The following METAP1D variants were observed in gnomAD, a reference collection of about 807,000 sequenced individuals.
The protein encoded by METAP1D is methionyl aminopeptidase type 1D, mitochondrial, also known as methionine aminopeptidase 1D, mitochondrial.
A neutral mutation model predicts 40.5 loss-of-function variants in METAP1D; 31 were observed. The observed-to-expected ratio is 0.77, with a 90% confidence interval of 0.58 to 1.03. The LOEUF (loss-of-function observed/expected upper bound fraction) is 1.03. Among genes scored for constraint, METAP1D ranks in the 50% least tolerant of loss-of-function variants. METAP1D has a pLI of 0.00. For synonymous variants in METAP1D, 151 were observed against 146.4 expected (o/e 1.03, Z -0.22); for missense variants, 411 against 420.7 (o/e 0.98, Z 0.20).
chr2:172,081,179 C>T lies in METAP1D; in HGVS notation c.*773C>T, dbSNP rs1334732676. 1 of 152,310 alleles carries T rather than the reference C, an allele frequency of 6.6e-6. No homozygotes were observed. Among genetic ancestry groups the T allele is most frequent in the East Asian group, 1.9e-4 (1 of 5,184 alleles). The allele number at this position is 152,310 out of a possible 1,614,324, so 9.4% of individuals were successfully genotyped here. A position where few individuals can be genotyped will look rare whatever the true frequency, so the allele number is the denominator to read the frequency against. On this transcript the variant is annotated 3_prime_UTR_variant, in exon 10 of 10. Transcript: ENST00000315796. ...GTTTGAGGCCCTCCCCCCACCCACC[C>T]CACACGCACGCACGCACGCTAGACC...
chr2:172,080,173 A>G lies in METAP1D; in HGVS notation c.896A>G (p.Asp299Gly). ...EGSPEFKVLE[D>G]AWTVVSLDNQ... Reference sequence around the variant, plus strand: ...TCCCCTGAATTTAAAGTCCTGGAGGATGCATGGACTGTGGTCTCCCTAGAC... The same window carrying G: ...TCCCCTGAATTTAAAGTCCTGGAGGGTGCATGGACTGTGGTCTCCCTAGAC... Residue 299 changes from aspartate (D) to glycine (G), a missense_variant, in exon 9 of 10, where the codon GAT becomes GGT. Transcript: ENST00000315796. 6.2e-7 allele frequency: 1 copy of G among 1,614,196 alleles called. No individual in the cohort carries two copies. Among genetic ancestry groups the G allele is most frequent in the South Asian group, 1.1e-5 (1 of 91,086 alleles).
chr2:172,045,699 A>ATGTGTGTGTGTGTG (rs796722451), intron 1 of METAP1D, among the ~76,000 whole-genome samples: 228 of 82,224 alleles, frequency 2.8e-3, no homozygotes, highest in Middle Eastern at 0.01. Context: ...ATTCATATAT[A>ATGTGTGTGTGTGTG]TGTGTGTGTG....
intron 1 of METAP1D, among the ~76,000 whole-genome samples, chr2:172,029,878 C>T (rs1689199525): frequency 6.6e-6 from 1 of 151,986 alleles, no homozygotes; most frequent in East Asian, 1.9e-4. Flanking sequence ...CCTCAGCTTC[C>T]CTAGTAGCTG....
chr2:172,081,295 C>G lies in METAP1D; in HGVS notation c.*889C>G, dbSNP rs534304499. ...GGGCGGTCTAGTCTCTAAAATGACCCCTCCCCAGACTGGCCCTTCTCGCAT... is the reference window on the plus strand; with the variant it reads ...GGGCGGTCTAGTCTCTAAAATGACCGCTCCCCAGACTGGCCCTTCTCGCAT... On this transcript the variant is annotated 3_prime_UTR_variant, in exon 10 of 10. Coordinates refer to ENST00000315796, the MANE Select transcript of METAP1D (RefSeq NM_199227.3). The G allele has an allele frequency of 2.0e-5, 3 of 152,424 alleles. No homozygotes were observed. Among genetic ancestry groups the G allele is most frequent in the African/African-American group, 7.2e-5 (3 of 41,454 alleles). 9.4% of individuals were successfully genotyped at this position (152,424 alleles called of 1,614,324 possible). A position where few individuals can be genotyped will look rare whatever the true frequency, so the allele number is the denominator to read the frequency against.
intron 1 of METAP1D, among the ~76,000 whole-genome samples, chr2:172,000,551 C>G (rs1396860086): frequency 6.6e-6 from 1 of 152,150 alleles, no homozygotes; most frequent in Non-Finnish European, 1.5e-5. Flanking sequence ...TATACAAATG[C>G]CTTTGCAGCA....
At chr2:172,041,533 GA>G (rs1689523682) in intron 1 of METAP1D, among the ~76,000 whole-genome samples, 1 of 125,728 alleles carries the variant, frequency 8.0e-6, no homozygotes, top group Admixed American at 8.1e-5. Context: ...GTCCGTAAAG[GA>G]ATTCATGAAA....
chr2:172,023,521 T>G (rs963138080), intron 1 of METAP1D, among the ~76,000 whole-genome samples: 1 of 152,148 alleles, frequency 6.6e-6, no homozygotes, highest in Non-Finnish European at 1.5e-5. Context: ...TCCTGGAAGG[T>G]TGATAATAGT....
At chr2:172,057,710 C>T (rs1330862901) in intron 1 of METAP1D, among the ~76,000 whole-genome samples, 1 of 152,204 alleles carries the variant, frequency 6.6e-6, no homozygotes, top group Non-Finnish European at 1.5e-5. Context: ...ACTTAGCCTG[C>T]TTTCCCTCTC....
At chr2:172,077,748 C>T in intron 6 of METAP1D, 49 bp from the exon 7 acceptor site, 1 of 920,558 alleles carries the variant, frequency 1.1e-6, no homozygotes, top group Non-Finnish European at 1.7e-6. Context: ...CTTAGTATGC[C>T]TGAAAAACTT....
At chr2:172,010,719 C>T (rs1380256041) in intron 1 of METAP1D, among the ~76,000 whole-genome samples, 3 of 150,602 alleles carry the variant, frequency 2.0e-5, no homozygotes, top group African/African-American at 7.3e-5. Flanking sequence ...GTCTTGAACT[C>T]CTGGCCTCAA....
In METAP1D at chr2:172,044,487, TAGGAGGCTG is replaced by T. The variant is rs575419772; in HGVS notation, c.41-17007_41-16999del. 6.9e-5 allele frequency among the ~76,000 whole-genome samples: 9 copies of T among 131,248 alleles called. No individual in the cohort carries two copies. The East Asian group carries it at 1.8e-3, about 26-fold the overall frequency. 86.1% of individuals were successfully genotyped at this position (131,248 alleles called of 152,430 possible). A position where few individuals can be genotyped will look rare whatever the true frequency, so the allele number is the denominator to read the frequency against. ...GCATGCACCTGTAATCCCAGCTACT[TAGGAGGCTG>T]AGGCAGGAGAATCGCTTGAACCTGG... On this transcript the variant is annotated intron_variant, in intron 1 of 9. Transcript: ENST00000315796.
chr2:172,079,188 T>G, intron 7 of METAP1D, 27 bp from the exon 8 acceptor site: 1 of 1,612,448 alleles, frequency 6.2e-7, no homozygotes, highest in South Asian at 1.1e-5. Flanking sequence ...TTTCCTATTC[T>G]CACCCCCCAT....
chr2:172,027,287 A>G (rs1336859146), intron 1 of METAP1D, among the ~76,000 whole-genome samples: 1 of 152,226 alleles, frequency 6.6e-6, no homozygotes, highest in Non-Finnish European at 1.5e-5. Flanking sequence ...ATTTTGGTCA[A>G]CAATGGACTG....
At chr2:172,020,623 C>G (rs1688985114) in intron 1 of METAP1D, among the ~76,000 whole-genome samples, 1 of 152,200 alleles carries the variant, frequency 6.6e-6, no homozygotes, top group African/African-American at 2.4e-5. Context: ...TACATCAACA[C>G]AGACAAAACC....
intron 1 of METAP1D, among the ~76,000 whole-genome samples, chr2:172,027,030 G>A (rs558253322): frequency 6.6e-6 from 1 of 152,278 alleles, no homozygotes; most frequent in Admixed American, 6.5e-5. Flanking sequence ...GAAGAAGAGG[G>A]CCTGGAAGAA....
Position 172,061,675 on chromosome 2 carries a change from C to G in METAP1D, c.198+20C>G. Reference sequence around the variant, plus strand: ...CCTAAGGTACTGTATTGCCTATTATCTCCTGCTTTTTCCAGCCAAGATAAA... The same window carrying G: ...CCTAAGGTACTGTATTGCCTATTATGTCCTGCTTTTTCCAGCCAAGATAAA... On this transcript the variant is annotated intron_variant, in intron 2 of 9. Transcript: ENST00000315796. 1 of 1,554,092 alleles carries G rather than the reference C, an allele frequency of 6.4e-7. No homozygotes were observed.
intron 1 of METAP1D, among the ~76,000 whole-genome samples, chr2:172,001,777 C>T (rs1688468449): frequency 6.6e-6 from 1 of 151,974 alleles, no homozygotes; most frequent in South Asian, 2.1e-4. Flanking sequence ...TGTGAAAAGA[C>T]AGCCAATTTA....
At chr2:172,049,949 T>C (rs1229348349) in intron 1 of METAP1D, among the ~76,000 whole-genome samples, 1 of 152,218 alleles carries the variant, frequency 6.6e-6, no homozygotes, top group East Asian at 1.9e-4. Context: ...TATTCAAATG[T>C]TTTCTTTCTA....
At chr2:172,016,541 A>G (rs1279805536) in intron 1 of METAP1D, among the ~76,000 whole-genome samples, 1 of 151,644 alleles carries the variant, frequency 6.6e-6, no homozygotes, top group African/African-American at 2.4e-5. Flanking sequence ...GGATTGCTTG[A>G]GCTGGGGAGG....
Sources: gnomAD v4.1 joint callset for allele counts (sites outside exome capture counted in the v4.1 genomes callset) on GRCh38, gnomAD v4.1.1 for gene constraint, MANE v1.5 for transcripts, NCBI Gene and HGNC (gene_info 2026-07-23, HGNC 2026-07-21) for gene names.